AGBL1: variants seen among roughly 807,000 people sequenced by gnomAD.
The protein encoded by AGBL1 is AGBL carboxypeptidase 1.
In AGBL1, 130 loss-of-function variants were observed where a neutral mutation model predicts 118.9. That is an observed-to-expected ratio of 1.09 (90% CI 0.95 to 1.26). The LOEUF is 1.26. Ranked by LOEUF, AGBL1 falls within the 50% of genes most tolerant of loss-of-function variation. The pLI, the probability that AGBL1 is intolerant of heterozygous loss-of-function variation, is 0.00. For synonymous variants in AGBL1, 555 were observed against 478.9 expected (o/e 1.16, Z -2.08); for missense variants, 1,584 against 1,298.1 (o/e 1.22, Z -3.38).
At chr15:86,667,828 C>T (rs1347672921) in intron 21 of AGBL1, among the ~76,000 whole-genome samples, 1 of 152,156 alleles carries the variant, frequency 6.6e-6, no homozygotes, top group Non-Finnish European at 1.5e-5. Context: ...TCATTTTAAT[C>T]TAATCTGTTG....
At chr15:86,836,040 A>T (rs1322743905) in intron 22 of AGBL1, among the ~76,000 whole-genome samples, 1 of 152,120 alleles carries the variant, frequency 6.6e-6, no homozygotes, top group Non-Finnish European at 1.5e-5. Context: ...ACTAAACTAT[A>T]TTTATTTATA....
chr15:86,555,936 T>C (rs535222781), intron 21 of AGBL1, among the ~76,000 whole-genome samples: 1 of 152,220 alleles, frequency 6.6e-6, no homozygotes, highest in African/African-American at 2.4e-5. Context: ...ATTGTGACTT[T>C]AAGGCCTTAT....
intron 17 of AGBL1, among the ~76,000 whole-genome samples, chr15:86,361,155 G>T (rs1299740239): frequency 6.6e-6 from 1 of 151,736 alleles, no homozygotes; most frequent in South Asian, 2.1e-4. Context: ...TTGTTATGTA[G>T]CATTTTTGTT....
chr15:86,984,782 G>T (rs904253716), intron 23 of AGBL1, among the ~76,000 whole-genome samples: 1 of 151,822 alleles, frequency 6.6e-6, no homozygotes, highest in African/African-American at 2.4e-5. Context: ...TATTTTAACG[G>T]TGTCATTAAA....
At chr15:86,525,192 A>G (rs4299120) in intron 19 of AGBL1, among the ~76,000 whole-genome samples, 21,681 of 152,004 alleles carry the variant, frequency 0.14, 4,455 homozygotes, top group African/African-American at 0.45. Flanking sequence ...TTTAACAAGG[A>G]AGGTAAAAGA....
At chr15:86,259,924 G>A (rs1387723587) in intron 9 of AGBL1, among the ~76,000 whole-genome samples, 1 of 152,226 alleles carries the variant, frequency 6.6e-6, no homozygotes, top group Admixed American at 6.5e-5. Flanking sequence ...TGTTCAGATA[G>A]TTCCCTTGGC....
At chr15:86,732,880 G>C (rs914400986) in intron 22 of AGBL1, among the ~76,000 whole-genome samples, 1 of 150,794 alleles carries the variant, frequency 6.6e-6, no homozygotes, top group Non-Finnish European at 1.5e-5. Context: ...TATATAGATA[G>C]ATATATAGCT....
chr15:86,848,242 T>A (rs2079346782), intron 22 of AGBL1, among the ~76,000 whole-genome samples: 1 of 152,192 alleles, frequency 6.6e-6, no homozygotes, highest in Non-Finnish European at 1.5e-5. Context: ...ACTTTGTGTA[T>A]GCATTTGGTT....
At chr15:86,708,536 C>T (rs1201965746) in intron 22 of AGBL1, among the ~76,000 whole-genome samples, 2 of 152,114 alleles carry the variant, frequency 1.3e-5, no homozygotes, top group Non-Finnish European at 2.9e-5. Context: ...TTTGTTACCG[C>T]AGCCTGAGCA....
At chr15:86,520,648 G>T (rs1046182753) in intron 18 of AGBL1, among the ~76,000 whole-genome samples, 1 of 152,146 alleles carries the variant, frequency 6.6e-6, no homozygotes, top group Admixed American at 6.6e-5. Flanking sequence ...ATGTATGCTT[G>T]CATTTTCATT....
intron 18 of AGBL1, among the ~76,000 whole-genome samples, chr15:86,511,372 T>C (rs1327407585): frequency 1.3e-5 from 2 of 152,056 alleles, no homozygotes; most frequent in Admixed American, 1.3e-4. Context: ...CATTGGTTCA[T>C]ATAGGTGTGG....
chr15:86,491,465 C>A (rs1483928280), intron 18 of AGBL1, among the ~76,000 whole-genome samples: 1 of 152,054 alleles, frequency 6.6e-6, no homozygotes, highest in Non-Finnish European at 1.5e-5. Context: ...GGCTTTCAGG[C>A]AGGGATGTGG....
At chr15:86,724,017 C>T (rs896705671) in intron 22 of AGBL1, among the ~76,000 whole-genome samples, 13 of 151,966 alleles carry the variant, frequency 8.6e-5, no homozygotes, top group Non-Finnish European at 1.3e-4. Flanking sequence ...GGGCGGATCA[C>T]GAGGTCAGGA....
At chr15:86,995,476 A>G (rs1020189737) in intron 24 of AGBL1, among the ~76,000 whole-genome samples, 1 of 152,174 alleles carries the variant, frequency 6.6e-6, no homozygotes, top group African/African-American at 2.4e-5. Context: ...ACAGCTCTCA[A>G]TCAAATAGAT....
rs946164032 is a variant in AGBL1 at position 86,143,580 on chromosome 15, T to C, written c.116-119T>C. On this transcript the variant is annotated intron_variant, in intron 2 of 22. Transcript: ENST00000614907. ...ACAGGTTGCTTCAAGAACTACATAA[T>C]TTTACGTAGTTGAAATGAACTAATT... 32 of 1,267,600 alleles carry C rather than the reference T, an allele frequency of 2.5e-5. No individual in the cohort carries two copies. The Admixed American group carries it at 7.0e-4, about 28-fold the overall frequency. The allele number at this position is 1,267,600 out of a possible 1,614,324, so 78.5% of individuals were successfully genotyped here. A position where few individuals can be genotyped will look rare whatever the true frequency, so the allele number is the denominator to read the frequency against.
At chr15:86,219,823 TA>T (rs1337988471) in intron 5 of AGBL1, among the ~76,000 whole-genome samples, 1 of 151,926 alleles carries the variant, frequency 6.6e-6, no homozygotes, top group Non-Finnish European at 1.5e-5. Flanking sequence ...ATTTGAAAGA[TA>T]AAAATATTGC....
At chr15:86,383,656 C>A (rs917218720) in intron 17 of AGBL1, among the ~76,000 whole-genome samples, 5 of 152,142 alleles carry the variant, frequency 3.3e-5, no homozygotes, top group South Asian at 2.1e-4. Flanking sequence ...CTCCTCTTAC[C>A]TTTTCCCTGC....
chr15:86,539,666 A>G (rs1413861650), intron 19 of AGBL1, among the ~76,000 whole-genome samples: 1 of 152,166 alleles, frequency 6.6e-6, no homozygotes, highest in African/African-American at 2.4e-5. Flanking sequence ...TAATACCTCA[A>G]ATCTACAGAT....
intron 22 of AGBL1, among the ~76,000 whole-genome samples, chr15:86,884,069 C>A (rs533317939): frequency 2.0e-5 from 3 of 152,308 alleles, no homozygotes; most frequent in African/African-American, 7.2e-5. Flanking sequence ...TTCAGCATAT[C>A]TTTTCTTTCC....
Sources: allele counts gnomAD v4.1 joint callset (sites outside exome capture counted in the v4.1 genomes callset), GRCh38; gene constraint gnomAD v4.1.1; transcripts MANE v1.5; gene names NCBI Gene and HGNC (gene_info 2026-07-23, HGNC 2026-07-21).